The following RBFOX1 variants were observed in gnomAD, a reference collection of about 807,000 sequenced individuals.
The protein encoded by RBFOX1 is RNA binding fox-1 homolog 1, also known as RNA binding protein fox-1 homolog 1.
RBFOX1 carries 8 observed loss-of-function variants against 57.7 expected under a neutral mutation model. That is an observed-to-expected ratio of 0.14 (90% CI 0.08 to 0.25). The LOEUF (loss-of-function observed/expected upper bound fraction) is 0.25. Among genes scored for constraint, RBFOX1 ranks in the 10% least tolerant of loss-of-function variants. RBFOX1 has a pLI of 1.00. For missense variants in RBFOX1, 611 were observed against 548.5 expected (o/e 1.11, Z -1.14); for synonymous variants, 326 against 222.4 (o/e 1.47, Z -4.15).
Position 7,579,661 on chromosome 16 carries a change from C to G in RBFOX1, c.271-116C>G. The G allele has an allele frequency of 3.9e-6, 5 of 1,298,346 alleles. No homozygotes were observed. In the South Asian group the frequency reaches 6.9e-5, roughly 18 times the overall value. The allele number at this position is 1,298,346 out of a possible 1,614,324, so 80.4% of individuals were successfully genotyped here. A position where few individuals can be genotyped will look rare whatever the true frequency, so the allele number is the denominator to read the frequency against. ...GCATGCATGCGTCAGCATTTTCTTC[C>G]CTTCTCAGATTGCTTAGTTCTGATC... On this transcript the variant is annotated intron_variant, in intron 5 of 15. Coordinates refer to ENST00000550418, the MANE Select transcript of RBFOX1 (RefSeq NM_018723.4).
At chr16:7,388,802 T>C (rs916947827) in intron 4 of RBFOX1, among the ~76,000 whole-genome samples, 1 of 152,124 alleles carries the variant, frequency 6.6e-6, no homozygotes. Context: ...TAGGCTAATA[T>C]AAGTGTTTTG....
At chr16:7,260,360 C>T (rs955110112) in intron 4 of RBFOX1, among the ~76,000 whole-genome samples, 2 of 152,058 alleles carry the variant, frequency 1.3e-5, no homozygotes, top group Non-Finnish European at 2.9e-5. Context: ...TTATTAAACG[C>T]CGCTCTTAAA....
chr16:5,824,123 A>G (rs1048736424), intron 3 of RBFOX1, among the ~76,000 whole-genome samples: 7 of 152,218 alleles, frequency 4.6e-5, no homozygotes, highest in Admixed American at 2.0e-4. Flanking sequence ...CCTGGGAGCT[A>G]GAAGAAGTGC....
At chr16:7,595,665 T>C in intron 8 of RBFOX1, 24 bp downstream of exon 8, 1 of 1,547,418 alleles carries the variant, frequency 6.5e-7, no homozygotes, top group East Asian at 2.3e-5. Flanking sequence ...ATATTTTCCT[T>C]TTCATCTTTT....
chr16:7,234,381 G>C (rs985236671), intron 4 of RBFOX1, among the ~76,000 whole-genome samples: 3 of 152,134 alleles, frequency 2.0e-5, no homozygotes, highest in Non-Finnish European at 4.4e-5. Flanking sequence ...CCCTTTGCCA[G>C]CAAAACCACA....
chr16:6,375,294 AAAC>A (rs2091018917), intron 2 of RBFOX1, among the ~76,000 whole-genome samples: 1 of 150,218 alleles, frequency 6.7e-6, no homozygotes, highest in African/African-American at 2.5e-5. Context: ...TGGGGAAAAA[AAAC>A]AAAAACAAAA....
chr16:7,698,361 G>T (rs941268621), intron 14 of RBFOX1, among the ~76,000 whole-genome samples: 3 of 151,970 alleles, frequency 2.0e-5, no homozygotes, highest in African/African-American at 7.3e-5. Context: ...AACCATGTGG[G>T]GTGAGGGTAG....
chr16:5,980,328 G>T (rs375172386), intron 4 of RBFOX1, among the ~76,000 whole-genome samples: 1 of 152,174 alleles, frequency 6.6e-6, no homozygotes, highest in Non-Finnish European at 1.5e-5. Flanking sequence ...GCGGCAGAAC[G>T]GTATAGATGG....
At chr16:7,012,446 C>T (rs935888152) in intron 3 of RBFOX1, among the ~76,000 whole-genome samples, 2 of 152,162 alleles carry the variant, frequency 1.3e-5, no homozygotes, top group African/African-American at 4.8e-5. Flanking sequence ...AGCCTTCAAT[C>T]ATAGATGACA....
chr16:5,343,355 C>A (rs980048935), intron 1 of RBFOX1, among the ~76,000 whole-genome samples: 1 of 134,940 alleles, frequency 7.4e-6, no homozygotes, highest in Non-Finnish European at 1.5e-5. Context: ...TACTCCATTG[C>A]CCAGGCTGGA....
chr16:7,258,082 C>G (rs11865945), intron 4 of RBFOX1, among the ~76,000 whole-genome samples: 2,182 of 152,212 alleles, frequency 0.014, 63 homozygotes, highest in African/African-American at 0.05. Context: ...ATTCAGTTGG[C>G]CATATTCTGT....
At chr16:7,502,821 G>A (rs1054930159) in intron 4 of RBFOX1, among the ~76,000 whole-genome samples, 1 of 152,086 alleles carries the variant, frequency 6.6e-6, no homozygotes, top group African/African-American at 2.4e-5. Flanking sequence ...GTCAGGGTTT[G>A]AGACCAGCCT....
intron 1 of RBFOX1, among the ~76,000 whole-genome samples, chr16:6,035,426 A>G (rs533551906): frequency 2.6e-5 from 4 of 152,366 alleles, no homozygotes; most frequent in Non-Finnish European, 5.9e-5. Flanking sequence ...TTCATCCTCC[A>G]TTCGATCACA....
intron 1 of RBFOX1, among the ~76,000 whole-genome samples, chr16:5,257,850 G>GT (rs1039959581): frequency 6.6e-6 from 1 of 152,012 alleles, no homozygotes; most frequent in African/African-American, 2.4e-5. Context: ...TTTTTTTGGG[G>GT]TGGGGGGGAA....
chr16:6,074,948 T>TAA (rs112859136), intron 1 of RBFOX1, among the ~76,000 whole-genome samples: 8 of 151,494 alleles, frequency 5.3e-5, no homozygotes, highest in African/African-American at 1.9e-4. Context: ...AAAAGATAAT[T>TAA]AAAAAAAATA....
chr16:6,784,165 G>A (rs1488200362), intron 3 of RBFOX1, among the ~76,000 whole-genome samples: 1 of 151,938 alleles, frequency 6.6e-6, no homozygotes, highest in Admixed American at 6.6e-5. Flanking sequence ...TATTCACTGG[G>A]TTTGAAAAGT....
At chr16:6,520,204 A>G (rs1373648068) in intron 2 of RBFOX1, among the ~76,000 whole-genome samples, 1 of 152,166 alleles carries the variant, frequency 6.6e-6, no homozygotes, top group African/African-American at 2.4e-5. Context: ...CAAAGTTATG[A>G]TGGTATGTGC....
At chr16:7,210,410 T>TA (rs2090898637) in intron 4 of RBFOX1, among the ~76,000 whole-genome samples, 1 of 152,174 alleles carries the variant, frequency 6.6e-6, no homozygotes, top group South Asian at 2.1e-4. Context: ...GTTTTGCTCT[T>TA]AAGGCCTTTT....
At chr16:6,414,067 A>G (rs763177031) in intron 2 of RBFOX1, among the ~76,000 whole-genome samples, 2 of 152,202 alleles carry the variant, frequency 1.3e-5, no homozygotes, top group East Asian at 3.9e-4. Flanking sequence ...AGAGAGTGCC[A>G]AGAACACCCA....
Sources: allele counts gnomAD v4.1 joint callset (sites outside exome capture counted in the v4.1 genomes callset), GRCh38; gene constraint gnomAD v4.1.1; transcripts MANE v1.5; gene names NCBI Gene and HGNC (gene_info 2026-07-23, HGNC 2026-07-21).